The following KCNMA1 variants were observed in gnomAD, a reference collection of about 807,000 sequenced individuals.
KCNMA1 encodes the protein potassium calcium-activated channel subfamily M alpha 1.
Under a neutral mutation model 140.0 loss-of-function variants are expected in KCNMA1, and 29 were observed. The ratio of observed to expected loss-of-function variants is 0.21; its 90% confidence interval spans 0.15 to 0.28. The LOEUF (loss-of-function observed/expected upper bound fraction) is 0.28, where lower values mean the gene tolerates loss of function less well. KCNMA1 is among the 10% of genes least tolerant of loss of function. The pLI is 1.00. For synonymous variants in KCNMA1, 612 were observed against 611.9 expected, an observed-to-expected ratio of 1.00 and a Z score of 0.00; for missense variants, 880 against 1,602.2, an observed-to-expected ratio of 0.55 and a Z score of 7.70.
chr10:77,623,702 C>CAA (rs111575059), intron 1 of KCNMA1, among the ~76,000 whole-genome samples: 2 of 124,162 alleles, frequency 1.6e-5, no homozygotes, highest in Admixed American at 8.2e-5. Flanking sequence ...GACTCCGTCT[C>CAA]AAAAAAAAAA....
At chr10:77,249,176 T>C (rs947763134) in intron 3 of KCNMA1, among the ~76,000 whole-genome samples, 1 of 152,136 alleles carries the variant, frequency 6.6e-6, no homozygotes, top group African/African-American at 2.4e-5. Flanking sequence ...TGAAGTTCCA[T>C]CCTTGGGATA....
intron 5 of KCNMA1, among the ~76,000 whole-genome samples, chr10:77,174,164 CT>C (rs928133003): frequency 1.3e-5 from 2 of 151,872 alleles, no homozygotes; most frequent in Non-Finnish European, 2.9e-5. Flanking sequence ...GTCTCTTGTG[CT>C]TTTTGGCCTA....
Position 77,001,385 on chromosome 10 carries a change from C to T in KCNMA1, c.2266+22G>A, listed in dbSNP as rs761139225. Reference sequence around the variant, plus strand: ...CACAGACAGCACAAACATGGAACTACGTGTGTTGAGGTTAAACTTACAGGC... The same window carrying T: ...CACAGACAGCACAAACATGGAACTATGTGTGTTGAGGTTAAACTTACAGGC... On this transcript the variant is annotated intron_variant, in intron 19 of 27. Transcript: ENST00000286628. The T allele has an allele frequency of 3.2e-5, 50 of 1,546,462 alleles. 2 individuals carry two copies. The Middle Eastern group carries it at 5.0e-4, about 15-fold the overall frequency.
chr10:76,932,591 G>A (rs921062867), intron 23 of KCNMA1, among the ~76,000 whole-genome samples: 23 of 152,124 alleles, frequency 1.5e-4, no homozygotes, highest in East Asian at 3.9e-4. Flanking sequence ...CTGATCCCTC[G>A]GTGTTTTGGG....
Position 76,885,169 on chromosome 10 carries a change from C to T in KCNMA1, c.*2097G>A. On this transcript the variant is annotated 3_prime_UTR_variant, in exon 28 of 28. Coordinates refer to ENST00000286628, the MANE Select transcript of KCNMA1 (RefSeq NM_001161352.2). ...CTTTGCAAAGAATGCATGAAGAGCT[C>T]TTCATGATCCAATACTAGGGGATAC... 1 of 1,260,926 alleles carries T rather than the reference C, an allele frequency of 7.9e-7. No individual in the cohort carries two copies. Among genetic ancestry groups the T allele is most frequent in the East Asian group, 3.3e-5 (1 of 30,140 alleles). The allele number at this position is 1,260,926 out of a possible 1,614,324, so 78.1% of individuals were successfully genotyped here. A position where few individuals can be genotyped will look rare whatever the true frequency, so the allele number is the denominator to read the frequency against.
At chr10:77,112,309 C>T in intron 7 of KCNMA1, 58 bp downstream of exon 7, 3 of 1,216,592 alleles carry the variant, frequency 2.5e-6, no homozygotes, top group Non-Finnish European at 3.7e-6. Flanking sequence ...AATAAAATGA[C>T]TCAGAGAGGG....
In KCNMA1 at chr10:77,186,776, A is replaced by AGT. The variant is rs1565084288; in HGVS notation, c.603-1861_603-1860insAC. 4.6e-3 allele frequency among the ~76,000 whole-genome samples: 412 copies of AGT among 90,058 alleles called. 4 individuals carry two copies. The highest frequency in any genetic ancestry group is 0.018 in the African/African-American group (382 of 21,262). The allele number at this position is 90,058 out of a possible 152,430, so 59.1% of individuals were successfully genotyped here. A position where few individuals can be genotyped will look rare whatever the true frequency, so the allele number is the denominator to read the frequency against. On this transcript the variant is annotated intron_variant, in intron 3 of 27. Coordinates refer to ENST00000286628, the MANE Select transcript of KCNMA1 (RefSeq NM_001161352.2). ...CTGCAGGATACGTTACTAAAGAGTA[A>AGT]ATGTGTGTGTGTGTGTGTGTGTGTG...
intron 5 of KCNMA1, among the ~76,000 whole-genome samples, chr10:77,147,194 T>C (rs1442506677): frequency 7.2e-5 from 11 of 152,250 alleles, no homozygotes; most frequent in Admixed American, 5.9e-4. Flanking sequence ...ACCAGCCACA[T>C]ATAACTTGTA....
At chr10:77,034,172 A>C (rs2094154073) in intron 15 of KCNMA1, among the ~76,000 whole-genome samples, 1 of 150,112 alleles carries the variant, frequency 6.7e-6, no homozygotes, top group Admixed American at 6.7e-5. Flanking sequence ...TGAGCCCCAG[A>C]GGACAAGGTT....
chr10:77,252,593 ATCTC>A (rs1190919032), intron 2 of KCNMA1, among the ~76,000 whole-genome samples: 18 of 148,270 alleles, frequency 1.2e-4, no homozygotes, highest in Admixed American at 2.0e-4. Flanking sequence ...GAGAGACAGA[ATCTC>A]TCTCTTTTAC....
chr10:76,896,165 T>A (rs899998603), intron 25 of KCNMA1, among the ~76,000 whole-genome samples: 1 of 152,172 alleles, frequency 6.6e-6, no homozygotes, highest in African/African-American at 2.4e-5. Context: ...TATCTGCAAC[T>A]CCATAAGGCA....
At chr10:77,374,397 T>C (rs917052964) in intron 2 of KCNMA1, among the ~76,000 whole-genome samples, 9 of 152,320 alleles carry the variant, frequency 5.9e-5, no homozygotes, top group Middle Eastern at 3.4e-3. Context: ...AGTTTGGTAA[T>C]TCTATCCACA....
chr10:77,005,227 G>A (rs1171137860), intron 18 of KCNMA1, among the ~76,000 whole-genome samples: 1 of 152,168 alleles, frequency 6.6e-6, no homozygotes, highest in Admixed American at 6.5e-5. Context: ...TCTGAGAATT[G>A]AAATATATGC....
At chr10:77,209,620 G>T (rs770721388) in intron 3 of KCNMA1, among the ~76,000 whole-genome samples, 7 of 152,060 alleles carry the variant, frequency 4.6e-5, no homozygotes, top group Non-Finnish European at 8.8e-5. Flanking sequence ...AAGAAACCAA[G>T]AGTTGGCTCT....
intron 2 of KCNMA1, among the ~76,000 whole-genome samples, chr10:77,303,582 G>A (rs1479976275): frequency 6.6e-6 from 1 of 152,178 alleles, no homozygotes; most frequent in Non-Finnish European, 1.5e-5. Context: ...GATGATATAA[G>A]TAAGCCATGT....
intron 2 of KCNMA1, among the ~76,000 whole-genome samples, chr10:77,367,040 A>C (rs1310554092): frequency 2.6e-5 from 4 of 152,338 alleles, no homozygotes; most frequent in Admixed American, 2.6e-4. Context: ...ACATCTGAAA[A>C]GTGAAAGAAC....
intron 1 of KCNMA1, among the ~76,000 whole-genome samples, chr10:77,575,554 C>T (rs2073766174): frequency 6.6e-6 from 1 of 152,126 alleles, no homozygotes; most frequent in Non-Finnish European, 1.5e-5. Flanking sequence ...CTTAATGCTC[C>T]CCAAGGCACC....
At chr10:77,275,918 C>CTA (rs3068748) in intron 2 of KCNMA1, among the ~76,000 whole-genome samples, 33,279 of 152,062 alleles carry the variant, frequency 0.22, 4,014 homozygotes, top group East Asian at 0.49. Flanking sequence ...TGGGTCTTCA[C>CTA]TAGGAAGATG....
At chr10:77,082,846 A>G (rs930944763) in intron 12 of KCNMA1, among the ~76,000 whole-genome samples, 3 of 152,200 alleles carry the variant, frequency 2.0e-5, no homozygotes, top group Non-Finnish European at 4.4e-5. Context: ...CTGAGTGGCA[A>G]GAGAAGATGG....
Sources: allele counts gnomAD v4.1 joint callset (sites outside exome capture counted in the v4.1 genomes callset), GRCh38; gene constraint gnomAD v4.1.1; transcripts MANE v1.5; gene names NCBI Gene and HGNC (gene_info 2026-07-23, HGNC 2026-07-21).